Variants in SPSB2 observed in about 807,000 individuals in gnomAD.
SPSB2 encodes SPRY domain-containing SOCS box protein 2.
Under a neutral mutation model 19.2 loss-of-function variants are expected in SPSB2, and 25 were observed. The observed-to-expected ratio is 1.30, with a 90% confidence interval of 0.95 to 1.82. The LOEUF is 1.82. Among genes scored for constraint, SPSB2 ranks in the 40% most tolerant of loss-of-function variants. The pLI, the probability that SPSB2 is intolerant of heterozygous loss-of-function variation, is 0.00. For synonymous variants in SPSB2, 153 were observed against 154.9 expected, an observed-to-expected ratio of 0.99 and a Z score of 0.09; for missense variants, 413 against 344.9, an observed-to-expected ratio of 1.20 and a Z score of -1.56.
Position 6,872,509 on chromosome 12 carries a change from C to A in SPSB2, c.393G>T (p.Trp131Cys), listed in dbSNP as rs782115300. ...GCTTCCCCCGCCCGATGTCCCAGCC[C>A]CACGACTCGCTGTTGCTGCCCAGCA... ...AALLGSNSES[W>C]GWDIGRGKLY... is the part of the protein sequence containing the mutation. Residue 131 changes from tryptophan (W) to cysteine (C), a missense_variant, in exon 2 of 3, where the codon TGG (tryptophan) becomes TGT (cysteine). Transcript: ENST00000524270. 1.2e-6 allele frequency: 2 copies of A among 1,612,562 alleles called. No homozygotes were observed. The highest frequency in any genetic ancestry group is 1.7e-6 in the Non-Finnish European group (2 of 1,179,898).
At chr12:6,871,863 G>A (rs1313514763) in intron 2 of SPSB2, 3 of 719,580 alleles carry the variant, frequency 4.2e-6, no homozygotes, top group African/African-American at 3.6e-5. Flanking sequence ...TATACAGCCT[G>A]GGTACCTGGC....
rs782140577 is a variant in SPSB2 at position 6,871,278 on chromosome 12, GCA to G, written c.704_705del (p.Val235AlafsTer56). 24 of 1,613,800 alleles carry G rather than the reference GCA, an allele frequency of 1.5e-5. No homozygotes were observed. Among genetic ancestry groups the G allele is most frequent in the African/African-American group, 6.7e-5 (5 of 74,924 alleles). On this transcript the variant is annotated frameshift_variant, in exon 3 of 3. Transcript: ENST00000524270. LOFTEE classifies it low-confidence loss of function (END_TRUNC). ...AGCCGGGTATCCCCCAGGTTGTGGC[GCA>G]CACACAGGCGGCTCAGGTGCAGAAG... ...HSLLHLSRLCVRHNLGDTRLG... is the reference protein window; with the variant it reads ...HSLLHLSRLCXRHNLGDTRLG...
Position 6,872,639 on chromosome 12 carries a change from A to T in SPSB2, c.263T>A (p.Leu88Gln), listed in dbSNP as rs370146414. 31 of 1,611,420 alleles carry T rather than the reference A, an allele frequency of 1.9e-5. No homozygotes were observed. The African/African-American group carries it at 4.1e-4, about 21-fold the overall frequency. Residue 88 changes from leucine (L) to glutamine (Q), a missense_variant, in exon 2 of 3, where the codon CTG becomes CAG. Transcript: ENST00000524270. ...ARGKRGYSRGLHAWEISWPLE... is the reference protein window; with the variant it reads ...ARGKRGYSRGQHAWEISWPLE... ...GGGCCAGCTGATCTCCCAGGCGTGC[A>T]GGCCCCTTGAATAGCCCCTCTTACC...
In SPSB2 at chr12:6,873,077, C is replaced by A. The variant is rs1353446711; in HGVS notation, c.-96-80G>T. On this transcript the variant is annotated intron_variant, in intron 1 of 2. Coordinates refer to ENST00000524270, the MANE Select transcript of SPSB2 (RefSeq NM_032641.4). ...TACCCCATCCTTTCACCCAAGTTTG[C>A]CAACGGGCCCGCTCCTCCCTCCTCG... 12 of 566,716 alleles carry A rather than the reference C, an allele frequency of 2.1e-5. No homozygotes were observed. The African/African-American group carries it at 2.2e-4, about 11-fold the overall frequency. 35.1% of individuals were successfully genotyped at this position (566,716 alleles called of 1,614,324 possible). A position where few individuals can be genotyped will look rare whatever the true frequency, so the allele number is the denominator to read the frequency against.
In SPSB2 at chr12:6,871,328, GAGA is replaced by G. The variant is rs143871029; in HGVS notation, c.665-12_665-10del. The stretch of plus-strand genomic sequence containing the variant: ...AAGGGAGTGTGGCTCCGCTGGGAGA[GAGA>G]AGGAGGGGAATGTAAGTATGGGTGC... On this transcript the variant is annotated splice_polypyrimidine_tract_variant and intron_variant, in intron 2 of 2. Coordinates refer to ENST00000524270, the MANE Select transcript of SPSB2 (RefSeq NM_032641.4). 7,725 of 1,610,914 alleles carry G rather than the reference GAGA, an allele frequency of 4.8e-3. 295 individuals are homozygous for G. In the African/African-American group the frequency reaches 0.083, roughly 17 times the overall value.
Position 6,871,115 on chromosome 12 carries a change from G to C in SPSB2, c.*77C>G. The C allele has an allele frequency of 2.0e-6, 3 of 1,534,040 alleles. No individual in the cohort carries two copies. Among genetic ancestry groups the C allele is most frequent in the Admixed American group, 3.9e-5 (2 of 50,902 alleles). ...TCACCAGCTTTCAGCAGCTGGTCTA[G>C]GCCAGCAGTGCCTCCCCACCTCCCC... On this transcript the variant is annotated 3_prime_UTR_variant, in exon 3 of 3. Coordinates refer to ENST00000524270, the MANE Select transcript of SPSB2 (RefSeq NM_032641.4).
At chr12:6,871,405 T>C in intron 2 of SPSB2, 86 bp from the exon 3 acceptor site, 2 of 1,439,784 alleles carry the variant, frequency 1.4e-6, no homozygotes, top group Non-Finnish European at 1.9e-6. Flanking sequence ...TCAGATGCCT[T>C]TCTGCTTTCC....
intron 2 of SPSB2, chr12:6,871,901 C>T: frequency 1.8e-6 from 2 of 1,138,470 alleles, no homozygotes; most frequent in Non-Finnish European, 2.4e-6. Flanking sequence ...TGGACCTGTA[C>T]ATCAAACCCA....
chr12:6,871,829 C>T (rs1944600937), intron 2 of SPSB2: 2 of 521,340 alleles, frequency 3.8e-6, no homozygotes, highest in Admixed American at 3.6e-5. Flanking sequence ...GGCACAGAGA[C>T]AGGTTAGAGC....
In SPSB2 at chr12:6,870,977, T is replaced by C. The variant is rs1944578002; in HGVS notation, c.*215A>G. The C allele has an allele frequency of 1.5e-6, 1 of 689,488 alleles. No homozygotes were observed. The highest frequency in any genetic ancestry group is 1.6e-5 in the South Asian group (1 of 64,338). The allele number at this position is 689,488 out of a possible 1,614,324, so 42.7% of individuals were successfully genotyped here. A position where few individuals can be genotyped will look rare whatever the true frequency, so the allele number is the denominator to read the frequency against. On this transcript the variant is annotated 3_prime_UTR_variant, in exon 3 of 3. Coordinates refer to ENST00000524270, the MANE Select transcript of SPSB2 (RefSeq NM_032641.4). Reference sequence around the variant, plus strand: ...CTTACTATTTTTACTTGAAAAAATGTTTTGCGTAGCAGACTGTCATAGCCT... The same window carrying C: ...CTTACTATTTTTACTTGAAAAAATGCTTTGCGTAGCAGACTGTCATAGCCT...
Position 6,872,793 on chromosome 12 carries a change from G to T in SPSB2, c.109C>A (p.Pro37Thr), listed in dbSNP as rs782806744. The T allele has an allele frequency of 3.1e-6, 5 of 1,612,144 alleles. No homozygotes were observed. The highest frequency in any genetic ancestry group is 4.2e-6 in the Non-Finnish European group (5 of 1,180,002). Residue 37 changes from proline (P) to threonine (T), a missense_variant, in exon 2 of 3, where the codon CCT (proline) becomes ACT (threonine). By Grantham distance (38) the Pro-to-Thr change is conservative. Coordinates refer to ENST00000524270, the MANE Select transcript of SPSB2 (RefSeq NM_032641.4). ...EGLEELLSAP[P>T]PDLGAQRRHG... The stretch of plus-strand genomic sequence containing the variant: ...CGCCGCTGGGCCCCCAGGTCAGGAG[G>T]GGGTGCAGACAGCAGCTCTTCCAAG...
At position 6,872,955 on chromosome 12, in the gene SPSB2, C is replaced by T. The variant is rs1215307277; in HGVS notation, c.-54G>A. On this transcript the variant is annotated 5_prime_UTR_variant, in exon 2 of 3. Coordinates refer to ENST00000524270, the MANE Select transcript of SPSB2 (RefSeq NM_032641.4). Reference sequence around the variant, plus strand: ...AAGAGGCTTGCTGGGGCGTCTTTCTCTTCTGAAAGTTGAGCTCCAGTTTGG... The same window carrying T: ...AAGAGGCTTGCTGGGGCGTCTTTCTTTTCTGAAAGTTGAGCTCCAGTTTGG... 8 of 1,302,944 alleles carry T rather than the reference C, an allele frequency of 6.1e-6. No homozygotes were observed. In the East Asian group the frequency reaches 1.2e-4, roughly 19 times the overall value. The allele number at this position is 1,302,944 out of a possible 1,614,324, so 80.7% of individuals were successfully genotyped here.
rs1555133862 is a variant in SPSB2 at position 6,872,469 on chromosome 12, T to C, written c.433A>G (p.Lys145Glu). 3 of 1,613,846 alleles carry C rather than the reference T, an allele frequency of 1.9e-6. No individual in the cohort carries two copies. The highest frequency in any genetic ancestry group is 1.7e-6 in the Non-Finnish European group (2 of 1,180,006). The change falls in exon 2 of 3, where the codon AAG (lysine) becomes GAG (glutamate). Residue 145 changes from lysine to glutamate, a missense_variant. Lys to Glu is a moderately conservative substitution (Grantham distance 56). Coordinates refer to ENST00000524270, the MANE Select transcript of SPSB2 (RefSeq NM_032641.4). ...IGRGKLYHQS[K>E]GPGAPQYPAG... Reference sequence around the variant, plus strand: ...GGATACTGGGGGGCTCCGGGCCCCTTGCTCTGATGGTACAGCTTCCCCCGC... The same window carrying C: ...GGATACTGGGGGGCTCCGGGCCCCTCGCTCTGATGGTACAGCTTCCCCCGC...
Position 6,872,868 on chromosome 12 carries a change from T to C in SPSB2, c.34A>G (p.Ser12Gly), listed in dbSNP as rs1555134181. 6.3e-7 allele frequency: 1 copy of C among 1,593,760 alleles called. No homozygotes were observed. The stretch of plus-strand genomic sequence containing the variant: ...TACAGGGCCTGTGGCGTGGGGGTGC[T>C]GCTGCTGCCCCCTGCCAGAGCTGTC... Reference protein sequence around the residue: ...GQTALAGGSSSTPTPQALYPD... With the variant: ...GQTALAGGSSGTPTPQALYPD... Residue 12 changes from serine (S) to glycine (G), a missense_variant, in exon 2 of 3, where the codon AGC becomes GGC. Physicochemically the swap from Ser to Gly is moderately conservative, Grantham distance 56 (BLOSUM62 0). Transcript: ENST00000524270.
At chr12:6,871,911 A>G in intron 2 of SPSB2, 1 of 1,227,240 alleles carries the variant, frequency 8.1e-7, no homozygotes. Context: ...CATCAAACCC[A>G]GTACCTAACG....
In SPSB2 at chr12:6,872,490, C is replaced by T. The variant is rs1944616993; in HGVS notation, c.412G>A (p.Gly138Arg). Residue 138 changes from glycine (G) to arginine (R), a missense_variant, in exon 2 of 3, where the codon GGG becomes AGG. Coordinates refer to ENST00000524270, the MANE Select transcript of SPSB2 (RefSeq NM_032641.4). ...CCCTTGCTCTGATGGTACAGCTTCC[C>T]CCGCCCGATGTCCCAGCCCCACGAC... ...SESWGWDIGR[G>R]KLYHQSKGPG... 17 of 1,613,118 alleles carry T rather than the reference C, an allele frequency of 1.1e-5. No individual in the cohort carries two copies. Among genetic ancestry groups the T allele is most frequent in the Non-Finnish European group, 1.4e-5 (17 of 1,179,812 alleles).
Position 6,872,285 on chromosome 12 carries a change from A to G in SPSB2, c.617T>C (p.Val206Ala). 3.1e-6 allele frequency: 5 copies of G among 1,614,132 alleles called. No individual in the cohort carries two copies. Among genetic ancestry groups the G allele is most frequent in the Non-Finnish European group, 4.2e-6 (5 of 1,180,020 alleles). Residue 206 changes from valine (V) to alanine (A), a missense_variant, in exon 2 of 3, where the codon GTC (valine) becomes GCC (alanine). Physicochemically the swap from Val to Ala is moderately conservative, Grantham distance 64. Coordinates refer to ENST00000524270, the MANE Select transcript of SPSB2 (RefSeq NM_032641.4). Reference sequence around the variant, plus strand: ...GATGCGGACCTGGCACTGGCCCCAGACAGCGCTTACTGCCGGATAGAGGGT... The same window carrying G: ...GATGCGGACCTGGCACTGGCCCCAGGCAGCGCTTACTGCCGGATAGAGGGT... The part of the protein sequence containing the change: ...GRTLYPAVSA[V>A]WGQCQVRIRY...
intron 2 of SPSB2, 40 bp downstream of exon 2, chr12:6,872,198 A>G: frequency 6.2e-7 from 1 of 1,613,818 alleles, no homozygotes; most frequent in South Asian, 1.1e-5. Flanking sequence ...CACTGCCACC[A>G]GGGACAGAAA....
Position 6,872,258 on chromosome 12 carries a change from C to G in SPSB2, c.644G>C (p.Arg215Pro). 6.2e-7 allele frequency: 1 copy of G among 1,614,142 alleles called. No homozygotes were observed. Among genetic ancestry groups the G allele is most frequent in the Non-Finnish European group, 8.5e-7 (1 of 1,180,038 alleles). Residue 215 changes from arginine to proline, a missense_variant, in exon 2 of 3, where the codon CGC (arginine) becomes CCC (proline). Transcript: ENST00000524270. ...AVWGQCQVRI[R>P]YLGERRAEPH... ...CTCACCTCTCCTTTCGCCCAGGTAG[C>G]GGATGCGGACCTGGCACTGGCCCCA...
Sources: allele counts gnomAD v4.1 joint callset, GRCh38; gene constraint gnomAD v4.1.1; transcripts MANE v1.5; gene names NCBI Gene and HGNC (gene_info 2026-07-23, HGNC 2026-07-21).